MYO18B: variants seen among roughly 807,000 people sequenced by gnomAD.
The protein encoded by MYO18B is unconventional myosin-XVIIIb.
Under a neutral mutation model 273.0 loss-of-function variants are expected in MYO18B, and 204 were observed. The ratio of observed to expected loss-of-function variants is 0.75; its 90% confidence interval spans 0.67 to 0.84. The LOEUF (loss-of-function observed/expected upper bound fraction) is 0.84. Ranked by LOEUF, MYO18B falls within the 40% of genes least tolerant of loss-of-function variation. The pLI is 0.00. For synonymous variants in MYO18B, 1,330 were observed against 1,305.7 expected (o/e 1.02, Z -0.40); for missense variants, 3,212 against 3,287.6 (o/e 0.98, Z 0.56).
At chr22:25,992,299 G>A (rs2146850410) in intron 39 of MYO18B, 64 bp from the exon 40 acceptor site, 1 of 1,594,984 alleles carries the variant, frequency 6.3e-7, no homozygotes, top group Non-Finnish European at 8.6e-7. Flanking sequence ...CTCTTCCCCA[G>A]TGCATGCATG....
At chr22:25,772,288 C>T (rs2086749365) in intron 6 of MYO18B, 46 bp from the exon 7 acceptor site, 1 of 1,579,692 alleles carries the variant, frequency 6.3e-7, no homozygotes, top group African/African-American at 1.3e-5. Flanking sequence ...GGCAGGGGGC[C>T]AGAAGGCCAG....
At chr22:25,765,435 T>TG (rs1267174506) in intron 3 of MYO18B, among the ~76,000 whole-genome samples, 6 of 152,156 alleles carry the variant, frequency 3.9e-5, no homozygotes. Context: ...AAACAAGGCT[T>TG]GGGGAAGTGA....
chr22:25,851,386 C>T, intron 20 of MYO18B, 84 bp from the exon 21 acceptor site: 1 of 901,892 alleles, frequency 1.1e-6, no homozygotes. Flanking sequence ...GGACCCTGCA[C>T]TCCTGTCTAG....
At chr22:25,769,926 C>G (rs574037592) in intron 4 of MYO18B, 184 bp from the exon 5 acceptor site, 1 of 612,496 alleles carries the variant, frequency 1.6e-6, no homozygotes, top group African/African-American at 1.9e-5. Context: ...GGTGTGATCT[C>G]GGCTCCACCT....
intron 11 of MYO18B, 108 bp from the exon 12 acceptor site, chr22:25,797,845 T>TA (rs2087989930): frequency 6.7e-7 from 1 of 1,495,460 alleles, no homozygotes. Context: ...ATTGTGGCAA[T>TA]AAAATGACCC....
intron 39 of MYO18B, among the ~76,000 whole-genome samples, chr22:25,990,086 A>T (rs1379189353): frequency 6.6e-6 from 1 of 152,024 alleles, no homozygotes; most frequent in Non-Finnish European, 1.5e-5. Context: ...TCTCCCTCTC[A>T]TCAGCTTGAC....
chr22:25,779,776 G>A (rs745981760), intron 8 of MYO18B, among the ~76,000 whole-genome samples: 12 of 120,972 alleles, frequency 9.9e-5, no homozygotes, highest in Non-Finnish European at 1.8e-4. Flanking sequence ...TACCCAGATT[G>A]TGCCTAGCCC....
rs370790464 is a variant in MYO18B, at chr22:25,955,176, C to A, written c.5971-3C>A. 5.6e-6 allele frequency: 9 copies of A among 1,598,472 alleles called. No individual in the cohort carries two copies. In the African/African-American group the frequency reaches 1.2e-4, roughly 21 times the overall value. On this transcript the variant is annotated splice_region_variant and splice_polypyrimidine_tract_variant and intron_variant, in intron 38 of 43. Transcript: ENST00000335473. ...GGTGGGCATGTGTCTCTGCCCCTCC[C>A]AGGTCCTGGTGATCCGGCTTCGGGA...
intron 1 of MYO18B, among the ~76,000 whole-genome samples, chr22:25,755,338 C>T (rs1366479632): frequency 2.0e-5 from 3 of 152,186 alleles, no homozygotes; most frequent in Non-Finnish European, 2.9e-5. Context: ...TCTCCAGTAG[C>T]TGAGATTACA....
chr22:25,803,967 AACACACACAC>A (rs151023852), intron 12 of MYO18B, among the ~76,000 whole-genome samples: 44 of 136,958 alleles, frequency 3.2e-4, no homozygotes, highest in South Asian at 5.2e-4. Flanking sequence ...TGACCCAGTG[AACACACACAC>A]ACACACACAC....
chr22:25,814,532 G>A (rs914657206), intron 12 of MYO18B, among the ~76,000 whole-genome samples: 43 of 151,918 alleles, frequency 2.8e-4, no homozygotes, highest in African/African-American at 9.4e-4. Context: ...TTTTACAGAT[G>A]AAGAAACTGA....
chr22:25,805,959 A>G (rs139273591), intron 12 of MYO18B, among the ~76,000 whole-genome samples: 314 of 151,928 alleles, frequency 2.1e-3, no homozygotes, highest in African/African-American at 6.9e-3. Context: ...GGCCACCTTT[A>G]TTTATTTTTC....
chr22:25,963,842 C>T (rs1474041327), intron 39 of MYO18B: 1 of 151,842 alleles, frequency 6.6e-6, no homozygotes, highest in Non-Finnish European at 1.5e-5. Flanking sequence ...TAATAAGCAC[C>T]TAATAGATGG....
At chr22:25,965,940 A>G (rs2092972908) in intron 39 of MYO18B, among the ~76,000 whole-genome samples, 3 of 152,188 alleles carry the variant, frequency 2.0e-5, no homozygotes, top group Non-Finnish European at 4.4e-5. Context: ...GAAGGAGTGA[A>G]AGGCTCTTAA....
intron 8 of MYO18B, among the ~76,000 whole-genome samples, chr22:25,778,884 T>A (rs117448930): frequency 0.015 from 2,259 of 152,182 alleles, 31 homozygotes; most frequent in East Asian, 0.052. Flanking sequence ...TTCAGAGACG[T>A]TAACTAGCTT....
At chr22:25,997,974 C>G (rs866158171) in intron 40 of MYO18B, among the ~76,000 whole-genome samples, 15 of 117,264 alleles carry the variant, frequency 1.3e-4, no homozygotes, top group African/African-American at 4.3e-4. Context: ...CACACACACA[C>G]ACACGAGAGA....
chr22:26,018,974 G>T (rs184626172), intron 42 of MYO18B, among the ~76,000 whole-genome samples: 39 of 152,224 alleles, frequency 2.6e-4, no homozygotes, highest in African/African-American at 9.4e-4. Flanking sequence ...AGAAAGGAAC[G>T]CTGTGCACCC....
At chr22:25,973,263 G>T (rs1220486788) in intron 39 of MYO18B, among the ~76,000 whole-genome samples, 1 of 152,198 alleles carries the variant, frequency 6.6e-6, no homozygotes, top group Admixed American at 6.5e-5. Context: ...TAAAAATGGG[G>T]TGGTGGTGGT....
intron 33 of MYO18B, among the ~76,000 whole-genome samples, chr22:25,918,817 C>T (rs1415336412): frequency 6.6e-6 from 1 of 152,230 alleles, no homozygotes. Context: ...CCTAAGCATA[C>T]TCATGAGTCT....
Sources: gnomAD v4.1 joint callset for allele counts (sites outside exome capture counted in the v4.1 genomes callset) on GRCh38, gnomAD v4.1.1 for gene constraint, MANE v1.5 for transcripts, NCBI Gene and HGNC (gene_info 2026-07-23, HGNC 2026-07-21) for gene names.